The following NRG3 variants were observed in gnomAD, a reference collection of about 807,000 sequenced individuals.
The protein encoded by NRG3 is pro-neuregulin-3, membrane-bound isoform.
In NRG3, 31 loss-of-function variants were observed where a neutral mutation model predicts 66.9. The observed-to-expected ratio is 0.46, with a 90% CI of 0.35 to 0.63. NRG3 has a LOEUF of 0.63. Among genes scored for constraint, NRG3 ranks in the 20% least tolerant of loss-of-function variants. The pLI is 0.00. For synonymous variants in NRG3, 393 were observed against 359.4 expected, an observed-to-expected ratio of 1.09 and a Z score of -1.06; for missense variants, 910 against 878.9, an observed-to-expected ratio of 1.04 and a Z score of -0.45.
intron 3 of NRG3, among the ~76,000 whole-genome samples, chr10:82,763,238 G>A (rs1245735550): frequency 6.6e-6 from 1 of 152,148 alleles, no homozygotes; most frequent in Non-Finnish European, 1.5e-5. Flanking sequence ...TAATCACTCA[G>A]CATGAGGATG....
intron 3 of NRG3, among the ~76,000 whole-genome samples, chr10:82,838,480 G>T (rs933250151): frequency 6.6e-6 from 1 of 151,976 alleles, no homozygotes; most frequent in African/African-American, 2.4e-5. Flanking sequence ...ATAAAAGTAA[G>T]GAATATTCTT....
intron 1 of NRG3, among the ~76,000 whole-genome samples, chr10:81,949,084 G>A (rs1471394527): frequency 6.6e-6 from 1 of 152,030 alleles, no homozygotes; most frequent in Non-Finnish European, 1.5e-5. Context: ...TCAAGCCCTG[G>A]GGTACAGAGA....
chr10:82,563,285 T>C lies in NRG3; in HGVS notation c.954-175292T>C, dbSNP rs142653831. Among the ~76,000 whole-genome samples, 431 of 152,278 alleles carry C rather than the reference T, an allele frequency of 2.8e-3. 4 individuals carry two copies. Among genetic ancestry groups the C allele is most frequent in the Non-Finnish European group, 4.7e-3 (319 of 68,014 alleles). On this transcript the variant is annotated intron_variant, in intron 2 of 8. Coordinates refer to ENST00000372141, the MANE Select transcript of NRG3 (RefSeq NM_001010848.4). ...GTAAAAGAGAAAAATTGGATGTACA[T>C]ATGCGTGCTTAACAGTGGAATAGTG...
intron 3 of NRG3, among the ~76,000 whole-genome samples, chr10:82,739,287 G>A (rs1185757042): frequency 1.3e-5 from 2 of 152,158 alleles, no homozygotes; most frequent in African/African-American, 2.4e-5. Flanking sequence ...ATGCTTAAAT[G>A]CCCAATTCTA....
chr10:82,256,210 C>T (rs1483113661), intron 1 of NRG3, among the ~76,000 whole-genome samples: 1 of 152,256 alleles, frequency 6.6e-6, no homozygotes, highest in Non-Finnish European at 1.5e-5. Context: ...GCGTGAGCCA[C>T]TGTGCCTGGC....
At position 81,890,945 on chromosome 10, in the gene NRG3, A is replaced by G. The variant is rs189693579; in HGVS notation, c.823+14782A>G. Reference sequence around the variant, plus strand: ...TGTTATTACATTGCCAAATGAAATCATCTGTTCCCCCTAGTAGAACTGCCT... The same window carrying G: ...TGTTATTACATTGCCAAATGAAATCGTCTGTTCCCCCTAGTAGAACTGCCT... On this transcript the variant is annotated intron_variant, in intron 1 of 8. Transcript: ENST00000372141. Among the ~76,000 whole-genome samples, 30 of 152,324 alleles carry G rather than the reference A, an allele frequency of 2.0e-4. No homozygotes were observed. In the East Asian group the frequency reaches 5.6e-3, roughly 28 times the overall value.
At chr10:82,152,879 T>A (rs116678502) in intron 1 of NRG3, among the ~76,000 whole-genome samples, 2,615 of 151,638 alleles carry the variant, frequency 0.017, 72 homozygotes, top group African/African-American at 0.059. Flanking sequence ...CTTTTCTTTC[T>A]TTTTCTTCCT....
intron 1 of NRG3, among the ~76,000 whole-genome samples, chr10:82,272,197 C>T (rs531934593): frequency 6.6e-6 from 1 of 151,998 alleles, no homozygotes; most frequent in African/African-American, 2.4e-5. Context: ...TGAATTGATA[C>T]CTGCATGATG....
chr10:82,142,665 A>G (rs1231322726), intron 1 of NRG3, among the ~76,000 whole-genome samples: 2 of 152,116 alleles, frequency 1.3e-5, no homozygotes, highest in East Asian at 1.9e-4. Flanking sequence ...AAATTTTATG[A>G]CAACGTAATG....
At chr10:82,815,876 T>G (rs1363129672) in intron 3 of NRG3, among the ~76,000 whole-genome samples, 3 of 152,178 alleles carry the variant, frequency 2.0e-5, no homozygotes, top group Non-Finnish European at 4.4e-5. Context: ...CCAGCCACTG[T>G]GCACTGGCTA....
intron 2 of NRG3, among the ~76,000 whole-genome samples, chr10:82,512,841 C>G (rs1845316944): frequency 6.6e-6 from 1 of 152,026 alleles, no homozygotes; most frequent in Admixed American, 6.6e-5. Flanking sequence ...TAAACTTGTC[C>G]TTTTAGTTCA....
chr10:82,287,171 G>T (rs2079463137), intron 1 of NRG3, among the ~76,000 whole-genome samples: 2 of 152,010 alleles, frequency 1.3e-5, no homozygotes, highest in Non-Finnish European at 1.5e-5. Context: ...CTGGTGAGGG[G>T]TGTTTGGGTC....
intron 2 of NRG3, among the ~76,000 whole-genome samples, chr10:82,497,829 A>G (rs1309622443): frequency 6.6e-6 from 1 of 152,140 alleles, no homozygotes; most frequent in Non-Finnish European, 1.5e-5. Flanking sequence ...CTGCTTTTTC[A>G]TAATGGCTAT....
intron 1 of NRG3, among the ~76,000 whole-genome samples, chr10:82,190,784 T>G (rs1739765): frequency 0.71 from 107,617 of 152,034 alleles, 38,812 homozygotes; most frequent in Middle Eastern, 0.79. Context: ...TTAATTCAGT[T>G]ACTCAAGGAC....
chr10:82,544,935 T>A (rs2043793265), intron 2 of NRG3, among the ~76,000 whole-genome samples: 1 of 152,174 alleles, frequency 6.6e-6, no homozygotes, highest in South Asian at 2.1e-4. Context: ...AGCATTACCT[T>A]CAGATGCCCC....
At position 82,761,926 on chromosome 10, in the gene NRG3, T is replaced by TTCTTTC. The variant is rs1287600955; in HGVS notation, c.1027+23278_1027+23283dup. Among the ~76,000 whole-genome samples the TTCTTTC allele has an allele frequency of 1.3e-3, 94 of 73,574 alleles. 1 individual carries two copies. Among genetic ancestry groups the TTCTTTC allele is most frequent in the African/African-American group, 4.4e-3 (86 of 19,672 alleles). 48.3% of individuals were successfully genotyped at this position (73,574 alleles called of 152,430 possible). On this transcript the variant is annotated intron_variant, in intron 3 of 8. Transcript: ENST00000372141. ...TTCTTTCTTCTTTCTTTCTTTCTCT[T>TTCTTTC]TCTTTCTTTCTTTCTTTCTTTCTTT...
intron 1 of NRG3, among the ~76,000 whole-genome samples, chr10:81,937,515 T>C (rs1847992191): frequency 6.6e-6 from 1 of 152,120 alleles, no homozygotes; most frequent in South Asian, 2.1e-4. Flanking sequence ...GTGATGTTGA[T>C]AATCTTTTAA....
chr10:82,423,910 C>G (rs1415446665), intron 2 of NRG3, among the ~76,000 whole-genome samples: 1 of 151,932 alleles, frequency 6.6e-6, no homozygotes, highest in Non-Finnish European at 1.5e-5. Flanking sequence ...GATCATTTGT[C>G]CCTGGCTTCT....
chr10:82,728,859 G>A (rs865875330), intron 2 of NRG3, among the ~76,000 whole-genome samples: 2 of 152,192 alleles, frequency 1.3e-5, no homozygotes, highest in African/African-American at 4.8e-5. Context: ...GCACTGATGG[G>A]AACATTTAAT....
Sources: allele counts gnomAD v4.1 joint callset (sites outside exome capture counted in the v4.1 genomes callset), GRCh38; gene constraint gnomAD v4.1.1; transcripts MANE v1.5; gene names NCBI Gene and HGNC (gene_info 2026-07-23, HGNC 2026-07-21).